The following MINK1 variants were observed in gnomAD, a reference collection of about 807,000 sequenced individuals.
The protein encoded by MINK1 is misshapen-like kinase 1.
Under a neutral mutation model 178.4 loss-of-function variants are expected in MINK1, and 46 were observed. The ratio of observed to expected loss-of-function variants is 0.26; its 90% CI spans 0.20 to 0.33. The LOEUF (loss-of-function observed/expected upper bound fraction) is 0.33, where lower values mean the gene tolerates loss of function less well. Among genes scored for constraint, MINK1 ranks in the 10% least tolerant of loss-of-function variants. The pLI, the probability that MINK1 is intolerant of heterozygous loss-of-function variation, is 1.00. For missense variants in MINK1, 1,366 were observed against 1,814.9 expected, an observed-to-expected ratio of 0.75 and a Z score of 4.49; for synonymous variants, 797 against 709.7, an observed-to-expected ratio of 1.12 and a Z score of -1.96.
chr17:4,852,091 T>C (rs1912101516), intron 1 of MINK1, among the ~76,000 whole-genome samples: 1 of 151,154 alleles, frequency 6.6e-6, no homozygotes, highest in Non-Finnish European at 1.5e-5. Context: ...TGCTGATTCA[T>C]ATGACAAAAA....
At chr17:4,859,915 A>G (rs1000888889) in intron 1 of MINK1, among the ~76,000 whole-genome samples, 1 of 151,764 alleles carries the variant, frequency 6.6e-6, no homozygotes, top group South Asian at 2.1e-4. Context: ...CAAAACCAAC[A>G]CCGTAGGAAC....
At chr17:4,839,007 G>A (rs911415010) in intron 1 of MINK1, among the ~76,000 whole-genome samples, 4 of 151,344 alleles carry the variant, frequency 2.6e-5, no homozygotes, top group Non-Finnish European at 5.9e-5. Flanking sequence ...GCAGTGGCGC[G>A]ATCTTGGCTC....
At chr17:4,851,176 G>A (rs1042430998) in intron 1 of MINK1, among the ~76,000 whole-genome samples, 4 of 152,132 alleles carry the variant, frequency 2.6e-5, no homozygotes, top group African/African-American at 9.7e-5. Context: ...CTTGCTTTGT[G>A]GGAGCCAGTT....
chr17:4,873,850 C>G (rs1020033354), intron 1 of MINK1, among the ~76,000 whole-genome samples: 4 of 152,112 alleles, frequency 2.6e-5, no homozygotes, highest in African/African-American at 9.6e-5. Flanking sequence ...GAACTCCTGA[C>G]GTCTGATGAT....
chr17:4,857,301 C>T, intron 1 of MINK1: 1 of 188,760 alleles, frequency 5.3e-6, no homozygotes, highest in Non-Finnish European at 1.1e-5. Flanking sequence ...AGCACCCAGG[C>T]CACTGGAGAC....
intron 1 of MINK1, among the ~76,000 whole-genome samples, chr17:4,861,433 C>T (rs1370170236): frequency 6.6e-6 from 1 of 152,206 alleles, no homozygotes; most frequent in Non-Finnish European, 1.5e-5. Context: ...TCCAGAGCCC[C>T]ACCTTTCAAT....
intron 13 of MINK1, 118 bp from the exon 14 acceptor site, chr17:4,890,399 C>A: frequency 6.8e-7 from 1 of 1,464,114 alleles, no homozygotes; most frequent in Non-Finnish European, 9.1e-7. Flanking sequence ...AGGGATTCAC[C>A]CAGGACATCA....
intron 1 of MINK1, chr17:4,868,979 A>T (rs1052157298): frequency 6.1e-6 from 1 of 162,820 alleles, no homozygotes; most frequent in South Asian, 1.2e-4. Flanking sequence ...GCTGGTGTGC[A>T]GTGGCGTAAT....
At chr17:4,893,268 C>T (rs777311738) in intron 20 of MINK1, 166 bp from the exon 21 acceptor site, 13 of 1,613,518 alleles carry the variant, frequency 8.1e-6, no homozygotes, top group Non-Finnish European at 1.1e-5. Context: ...CTCTTTCTTC[C>T]CCTGCGGCCC....
chr17:4,872,229 C>G (rs1290542565), intron 1 of MINK1, among the ~76,000 whole-genome samples: 1 of 151,590 alleles, frequency 6.6e-6, no homozygotes, highest in Non-Finnish European at 1.5e-5. Flanking sequence ...ATTCAGGAGA[C>G]TGAGGCAAGA....
chr17:4,895,234 C>G lies in MINK1; in HGVS notation c.3077C>G (p.Ala1026Gly), dbSNP rs761614282. The G allele has an allele frequency of 6.2e-7, 1 of 1,614,110 alleles. No homozygotes were observed. Among genetic ancestry groups the G allele is most frequent in the Non-Finnish European group, 8.5e-7 (1 of 1,179,998 alleles). The stretch of plus-strand genomic sequence containing the variant: ...TTCAACTCCGAGATCCTCTGTGCAG[C>G]CCTTTGGGGTAAGCCAGGGCAGGGA... ...KRFNSEILCA[A>G]LWGVNLLVGT... is the part of the protein sequence containing the mutation. The change falls in exon 25 of 32, where the codon GCC (alanine) becomes GGC (glycine). Residue 1026 changes from alanine (A) to glycine (G), a missense_variant. By Grantham distance (60) the Ala-to-Gly change is moderately conservative. Coordinates refer to ENST00000355280, the MANE Select transcript of MINK1 (RefSeq NM_153827.5). The surrounding 1 kb of genome is among the most constrained non-coding windows in gnomAD (Gnocchi z 4.3).
At chr17:4,839,377 G>T (rs1244252541) in intron 1 of MINK1, among the ~76,000 whole-genome samples, 1 of 152,100 alleles carries the variant, frequency 6.6e-6, no homozygotes, top group Non-Finnish European at 1.5e-5. Flanking sequence ...TTGAAACCTG[G>T]TCTTCAGCCC....
At chr17:4,888,282 T>C (rs934501413) in intron 12 of MINK1, among the ~76,000 whole-genome samples, 5 of 151,902 alleles carry the variant, frequency 3.3e-5, no homozygotes, top group African/African-American at 1.2e-4. Flanking sequence ...GTAGGCCCTC[T>C]CATTGTTGAA....
Position 4,840,386 on chromosome 17 carries a change from GA to G in MINK1, c.57+6754del, listed in dbSNP as rs201834399. Among the ~76,000 whole-genome samples the G allele has an allele frequency of 8.2e-4, 124 of 151,744 alleles. 1 individual carries two copies. In the East Asian group the frequency reaches 0.02, roughly 25 times the overall value. On this transcript the variant is annotated intron_variant, in intron 1 of 31. Transcript: ENST00000355280. ...TCTTCTGAATCTTCCTGTGGGAGGG[GA>G]AAAAAAATGGTTTATTTGTTTGTCT...
At chr17:4,890,816 A>G in intron 14 of MINK1, 81 bp downstream of exon 14, 1 of 1,518,230 alleles carries the variant, frequency 6.6e-7, no homozygotes, top group Non-Finnish European at 8.9e-7. Context: ...AGTAGTTCAC[A>G]GTAGCAGGCA....
At position 4,885,745 on chromosome 17, in the gene MINK1, T is replaced by TA. The variant is rs1968143044; in HGVS notation, c.639+133dup. 4 of 1,426,476 alleles carry TA rather than the reference T, an allele frequency of 2.8e-6. No homozygotes were observed. Among genetic ancestry groups the TA allele is most frequent in the Non-Finnish European group, 2.9e-6 (3 of 1,043,740 alleles). 88.4% of individuals were successfully genotyped at this position (1,426,476 alleles called of 1,614,324 possible). A position where few individuals can be genotyped will look rare whatever the true frequency, so the allele number is the denominator to read the frequency against. ...AGCAGTGAGGGGCTGGGGAACATCT[T>TA]ACGGCAAGGCAAGTGTGGGTGGGAA... On this transcript the variant is annotated intron_variant, in intron 7 of 31. Transcript: ENST00000355280. This position sits in a 1 kb window ranked among gnomAD's most constrained non-coding sequence, Gnocchi z 5.0.
In MINK1 at chr17:4,893,497, G is replaced by A; in HGVS notation, c.2464G>A (p.Asp822Asn). 6.2e-7 allele frequency: 1 copy of A among 1,600,498 alleles called. No homozygotes were observed. The highest frequency in any genetic ancestry group is 8.6e-7 in the Non-Finnish European group (1 of 1,169,486). The change falls in exon 21 of 32, where the codon GAC becomes AAC. Residue 822 changes from aspartate to asparagine, a missense_variant. Physicochemically the swap from Asp to Asn is conservative, Grantham distance 23. This residue lies in a region of MINK1 where 709 missense variants were observed against 692.3 expected (regional missense o/e 1.02). Coordinates refer to ENST00000355280, the MANE Select transcript of MINK1 (RefSeq NM_153827.5). ...CCCTCGGCCTCCCAAGAAGGCCATG[G>A]ACTACTCGTCGTCCAGCGAGGAGGT... ...EAPRPPKKAM[D>N]YSSSSEEVES...
At chr17:4,851,007 C>T (rs372651214) in intron 1 of MINK1, 9 of 458,860 alleles carry the variant, frequency 2.0e-5, no homozygotes, top group African/African-American at 1.6e-4. Flanking sequence ...GTCAGCCTGC[C>T]TCCGAGGCCA....
Position 4,895,167 on chromosome 17 carries a change from G to A in MINK1, c.3010G>A (p.Ala1004Thr), listed in dbSNP as rs765869430. 3 of 1,614,016 alleles carry A rather than the reference G, an allele frequency of 1.9e-6. No homozygotes were observed. The South Asian group carries it at 3.3e-5, about 18-fold the overall frequency. The change falls in exon 25 of 32, where the codon GCC (alanine) becomes ACC (threonine). Residue 1004 changes from alanine to threonine, a missense_variant. Transcript: ENST00000355280. The surrounding 1 kb of genome is among the most constrained non-coding windows in gnomAD (Gnocchi z 4.3). The stretch of plus-strand genomic sequence containing the variant: ...CAACGTGAATCCCACCAACACCCGG[G>A]CCCACAGTGAGACCCCTGAGATCCG... ...VVNVNPTNTR[A>T]HSETPEIRKY...
Sources: allele counts gnomAD v4.1 joint callset (sites outside exome capture counted in the v4.1 genomes callset), GRCh38; gene constraint gnomAD v4.1.1; regional missense constraint gnomAD v4.1.1; non-coding constraint Gnocchi (gnomAD v3.1); transcripts MANE v1.5; gene names NCBI Gene and HGNC (gene_info 2026-07-23, HGNC 2026-07-21).